ALPK2: variants seen among roughly 807,000 people sequenced by gnomAD.
ALPK2 encodes alpha kinase 2.
Under a neutral mutation model 163.1 loss-of-function variants are expected in ALPK2, and 127 were observed. That is an observed-to-expected ratio of 0.78 (90% CI 0.67 to 0.90). The LOEUF is 0.90. Ranked by LOEUF, ALPK2 falls within the 40% of genes least tolerant of loss-of-function variation. The pLI is 0.00. For synonymous variants in ALPK2, 953 were observed against 959.1 expected, an observed-to-expected ratio of 0.99 and a Z score of 0.12; for missense variants, 2,360 against 2,589.6, an observed-to-expected ratio of 0.91 and a Z score of 1.92.
intron 1 of ALPK2, among the ~76,000 whole-genome samples, chr18:58,622,782 C>A (rs1168239501): frequency 6.6e-6 from 1 of 152,144 alleles, no homozygotes; most frequent in Non-Finnish European, 1.5e-5. Flanking sequence ...TCTTATCCTC[C>A]ACATTTGCCC....
intron 4 of ALPK2, among the ~76,000 whole-genome samples, chr18:58,573,348 ATATATATATGTGTGTG>A (rs1285863387): frequency 1.2e-4 from 17 of 138,948 alleles, no homozygotes; most frequent in Non-Finnish European, 2.0e-4. Flanking sequence ...ATATATATGT[ATATATATATGTGTGTG>A]TATATATATA....
At chr18:58,513,713 C>T (rs1338301269) in intron 10 of ALPK2, among the ~76,000 whole-genome samples, 12 of 152,066 alleles carry the variant, frequency 7.9e-5, no homozygotes, top group East Asian at 1.9e-4. Context: ...CCTGTCTCTA[C>T]GAGAAAATTT....
intron 5 of ALPK2, among the ~76,000 whole-genome samples, chr18:58,533,865 A>T (rs565084141): frequency 1.4e-4 from 22 of 152,326 alleles, no homozygotes; most frequent in Non-Finnish European, 2.5e-4. Context: ...AGGGGTTAGG[A>T]CCCATTTGAT....
chr18:58,520,759 TC>T (rs2051546259), intron 8 of ALPK2, among the ~76,000 whole-genome samples: 1 of 152,234 alleles, frequency 6.6e-6, no homozygotes, highest in African/African-American at 2.4e-5. Context: ...TTAGAGACCA[TC>T]TTGTAAAAGA....
Position 58,536,535 on chromosome 18 carries a change from G to T in ALPK2, c.3652C>A (p.Leu1218Ile), listed in dbSNP as rs2051649060. ...CTATATTCTTTAGACTCTTCCAAAAGGATATCAGAGAGAGATGGAACGTTG... is the reference window on the plus strand; with the variant it reads ...CTATATTCTTTAGACTCTTCCAAAATGATATCAGAGAGAGATGGAACGTTG... ...LSNVPSLSDI[L>I]LEESKEYRPG... Residue 1218 changes from leucine (L) to isoleucine (I), a missense_variant, in exon 5 of 13, where the codon CTT (leucine) becomes ATT (isoleucine). By Grantham distance (5) the Leu-to-Ile change is conservative (BLOSUM62 2). Transcript: ENST00000361673. 1 of 1,613,728 alleles carries T rather than the reference G, an allele frequency of 6.2e-7. No individual in the cohort carries two copies. Among genetic ancestry groups the T allele is most frequent in the Non-Finnish European group, 8.5e-7 (1 of 1,180,034 alleles).
intron 12 of ALPK2, among the ~76,000 whole-genome samples, chr18:58,483,037 A>G (rs754742834): frequency 3.3e-5 from 5 of 152,148 alleles, no homozygotes; most frequent in Non-Finnish European, 7.4e-5. Context: ...ATCCAGTCAC[A>G]GCTCCTCACA....
intron 3 of ALPK2, among the ~76,000 whole-genome samples, chr18:58,594,214 T>G (rs2052030264): frequency 6.6e-6 from 1 of 152,132 alleles, no homozygotes; most frequent in Admixed American, 6.5e-5. Flanking sequence ...TTTGACAGCT[T>G]TCTGAGCCTC....
At chr18:58,523,315 T>C (rs554960508) in intron 8 of ALPK2, among the ~76,000 whole-genome samples, 1 of 152,084 alleles carries the variant, frequency 6.6e-6, no homozygotes, top group Non-Finnish European at 1.5e-5. Context: ...AGTCTATCAT[T>C]GTTGGATATT....
intron 3 of ALPK2, among the ~76,000 whole-genome samples, chr18:58,590,280 A>T (rs1460012990): frequency 1.3e-5 from 2 of 151,574 alleles, no homozygotes; most frequent in Non-Finnish European, 2.9e-5. Context: ...CTATACAACC[A>T]CTATCTTGCA....
At chr18:58,513,179 GTGTT>G (rs766316659) in intron 10 of ALPK2, among the ~76,000 whole-genome samples, 51 of 151,372 alleles carry the variant, frequency 3.4e-4, no homozygotes, top group Admixed American at 1.6e-3. Context: ...TGTGGGGTGT[GTGTT>G]TGTGTTGTGG....
intron 3 of ALPK2, among the ~76,000 whole-genome samples, chr18:58,591,167 G>T (rs1344008665): frequency 1.3e-5 from 2 of 152,176 alleles, no homozygotes; most frequent in Admixed American, 1.3e-4. Flanking sequence ...TGACCTCACT[G>T]TTCCCTGTTG....
At position 58,603,718 on chromosome 18, in the gene ALPK2, G is replaced by A. The variant is rs183021762; in HGVS notation, c.227+3604C>T. Among the ~76,000 whole-genome samples the A allele has an allele frequency of 3.5e-3, 505 of 145,046 alleles. 1 individual carries two copies. Among genetic ancestry groups the A allele is most frequent in the African/African-American group, 9.4e-3 (363 of 38,456 alleles). On this transcript the variant is annotated intron_variant, in intron 3 of 12. Transcript: ENST00000361673. ...TGTTCATAAGAGACCACAATTCCCCGTTTGTATACACATCGTTGCAATTTG... is the reference window on the plus strand; with the variant it reads ...TGTTCATAAGAGACCACAATTCCCCATTTGTATACACATCGTTGCAATTTG...
intron 4 of ALPK2, among the ~76,000 whole-genome samples, chr18:58,554,115 C>T (rs1015635739): frequency 6.6e-6 from 1 of 152,150 alleles, no homozygotes; most frequent in African/African-American, 2.4e-5. Context: ...CTGCCTCGGC[C>T]TCCCAAAATG....
chr18:58,582,032 C>A (rs1187751753), intron 3 of ALPK2, among the ~76,000 whole-genome samples: 4 of 152,092 alleles, frequency 2.6e-5, no homozygotes, highest in Non-Finnish European at 5.9e-5. Flanking sequence ...ACATCTAATC[C>A]CAATTTCAAT....
chr18:58,562,946 C>G (rs1345035491), intron 4 of ALPK2, among the ~76,000 whole-genome samples: 4 of 152,166 alleles, frequency 2.6e-5, no homozygotes, highest in African/African-American at 9.7e-5. Context: ...CCGATTACTT[C>G]CCACAGACTC....
chr18:58,510,058 T>C (rs1052870539), intron 10 of ALPK2, among the ~76,000 whole-genome samples: 7 of 152,264 alleles, frequency 4.6e-5, no homozygotes, highest in Non-Finnish European at 1.0e-4. Flanking sequence ...AATTAATTTT[T>C]ATATAAGGTG....
intron 10 of ALPK2, among the ~76,000 whole-genome samples, chr18:58,514,577 A>G (rs2051511182): frequency 6.6e-6 from 1 of 152,136 alleles, no homozygotes. Flanking sequence ...CTTCCCTATT[A>G]CATTGCCATA....
In ALPK2 at chr18:58,522,298, G is replaced by T. The variant is rs114862754; in HGVS notation, c.5665+1508C>A. 3.2e-3 allele frequency among the ~76,000 whole-genome samples: 494 copies of T among 152,276 alleles called. 2 individuals are homozygous for T. The highest frequency in any genetic ancestry group is 0.011 in the African/African-American group (465 of 41,548). On this transcript the variant is annotated intron_variant, in intron 8 of 12. Coordinates refer to ENST00000361673, the MANE Select transcript of ALPK2 (RefSeq NM_052947.4). Reference sequence around the variant, plus strand: ...TGGTTTAAGAGTGGCCACACTGAGAGTATTTACATCATGGAAATTGTAGGA... The same window carrying T: ...TGGTTTAAGAGTGGCCACACTGAGATTATTTACATCATGGAAATTGTAGGA...
At chr18:58,523,530 A>G (rs920206051) in intron 8 of ALPK2, among the ~76,000 whole-genome samples, 2 of 152,236 alleles carry the variant, frequency 1.3e-5, no homozygotes, top group African/African-American at 4.8e-5. Context: ...CAGTCCCACC[A>G]ACAGTGTAAA....
Sources: allele counts gnomAD v4.1 joint callset (sites outside exome capture counted in the v4.1 genomes callset), GRCh38; gene constraint gnomAD v4.1.1; transcripts MANE v1.5; gene names NCBI Gene and HGNC (gene_info 2026-07-23, HGNC 2026-07-21).